JADE2: variants seen among roughly 807,000 people sequenced by gnomAD.
JADE2 encodes E3 ubiquitin-protein ligase Jade-2.
Under a neutral mutation model 85.7 loss-of-function variants are expected in JADE2, and 13 were observed. The ratio of observed to expected loss-of-function variants is 0.15; its 90% confidence interval spans 0.10 to 0.24. The LOEUF is 0.24. Ranked by LOEUF, JADE2 falls within the 10% of genes least tolerant of loss-of-function variation. The probability of loss-of-function intolerance (pLI) is 1.00; values close to 1 mark genes in which losing one functional copy is unlikely to be tolerated. For synonymous variants in JADE2, 440 were observed against 456.1 expected (o/e 0.96, Z 0.45); for missense variants, 846 against 1,115.9 (o/e 0.76, Z 3.45).
intron 1 of JADE2, among the ~76,000 whole-genome samples, chr5:134,533,916 T>C (rs1384244773): frequency 2.6e-5 from 4 of 152,016 alleles, no homozygotes; most frequent in Non-Finnish European, 5.9e-5. Flanking sequence ...CTGGCTAATT[T>C]TTAAATTTTT....
At chr5:134,524,708 G>C (rs536844235), upstream of JADE2, among the ~76,000 whole-genome samples, 2 of 152,228 alleles carry the variant, frequency 1.3e-5, no homozygotes, top group South Asian at 2.1e-4. Flanking sequence ...CACCCGGGAG[G>C]GGGGAGGGGG....
At chr5:134,552,267 CT>C in intron 4 of JADE2, 58 bp downstream of exon 4, 1 of 1,529,854 alleles carries the variant, frequency 6.5e-7, no homozygotes, top group South Asian at 1.2e-5. Flanking sequence ...GGGGAGGCTG[CT>C]TTCCAGGTTA....
At chr5:134,543,878 T>A (rs1253023406) in intron 3 of JADE2, among the ~76,000 whole-genome samples, 2 of 152,106 alleles carry the variant, frequency 1.3e-5, no homozygotes, top group Non-Finnish European at 2.9e-5. Flanking sequence ...CTAAGCAACG[T>A]CAGGGAGTGT....
At chr5:134,559,401 G>A (rs1213438091) in intron 4 of JADE2, among the ~76,000 whole-genome samples, 3 of 152,184 alleles carry the variant, frequency 2.0e-5, no homozygotes, top group Non-Finnish European at 2.9e-5. Context: ...CTTGTTGCTG[G>A]CACAGGGCAT....
chr5:134,531,883 C>CCTTT, intron 1 of JADE2, among the ~76,000 whole-genome samples: 2 of 38,480 alleles, frequency 5.2e-5, no homozygotes, highest in South Asian at 2.2e-3. Flanking sequence ...CCGTGCCTGG[C>CCTTT]TTTTTTTTTT....
chr5:134,564,640 A>C, intron 8 of JADE2, 30 bp downstream of exon 8: 7 of 1,435,598 alleles, frequency 4.9e-6, no homozygotes, highest in Non-Finnish European at 6.6e-6. Flanking sequence ...TCCTGCTGCC[A>C]GGAGCTGGCT....
intron 4 of JADE2, among the ~76,000 whole-genome samples, chr5:134,559,426 C>T (rs1360897688): frequency 1.3e-5 from 2 of 152,236 alleles, no homozygotes; most frequent in African/African-American, 2.4e-5. Flanking sequence ...CATGATGGCA[C>T]ATAGGATACC....
chr5:134,554,981 T>G (rs1289310629), intron 4 of JADE2, among the ~76,000 whole-genome samples: 1 of 152,196 alleles, frequency 6.6e-6, no homozygotes, highest in Admixed American at 6.5e-5. Context: ...TCTGGGGAAT[T>G]CCCTGCATGG....
intron 1 of JADE2, chr5:134,526,605 C>G: frequency 2.2e-5 from 22 of 985,428 alleles, no homozygotes; most frequent in Non-Finnish European, 2.7e-5. Flanking sequence ...GTCCCAGACA[C>G]CTTCCGGGGG....
chr5:134,540,637 TGTC>T (rs1398684692), intron 3 of JADE2, among the ~76,000 whole-genome samples: 3 of 152,164 alleles, frequency 2.0e-5, no homozygotes, highest in African/African-American at 7.2e-5. Context: ...AGGCAAGAAT[TGTC>T]GTGCCCATTT....
intron 9 of JADE2, among the ~76,000 whole-genome samples, chr5:134,567,387 G>T (rs1763709056): frequency 6.6e-6 from 1 of 152,188 alleles, no homozygotes; most frequent in South Asian, 2.1e-4. Context: ...ACAGGTGACG[G>T]TGGCTTGGTC....
At chr5:134,546,729 C>G (rs1229885766) in intron 3 of JADE2, among the ~76,000 whole-genome samples, 1 of 151,622 alleles carries the variant, frequency 6.6e-6, no homozygotes, top group Non-Finnish European at 1.5e-5. Flanking sequence ...GATCACACCA[C>G]TGCACTCCAG....
rs1396739049 is a variant in JADE2 at position 134,561,036 on chromosome 5, A to AG, written c.684+83dup. ...GGCAGCGACCCCCACTTGGCTCTCC[A>AG]GGGGCACTGTGGACAGAAGCCCTTA... On this transcript the variant is annotated intron_variant, in intron 6 of 11. Transcript: ENST00000681547. 1.3e-5 allele frequency: 17 copies of AG among 1,262,874 alleles called. No homozygotes were observed. In the Middle Eastern group the frequency reaches 6.4e-4, roughly 48 times the overall value. The allele number at this position is 1,262,874 out of a possible 1,614,324, so 78.2% of individuals were successfully genotyped here.
intron 9 of JADE2, among the ~76,000 whole-genome samples, chr5:134,572,260 C>T (rs945038057): frequency 2.6e-5 from 4 of 152,182 alleles, no homozygotes; most frequent in African/African-American, 9.7e-5. Flanking sequence ...AGGTGGGTGG[C>T]CTGGTGCTCA....
chr5:134,548,243 G>A (rs928953004), intron 3 of JADE2, among the ~76,000 whole-genome samples: 10 of 151,356 alleles, frequency 6.6e-5, no homozygotes, highest in Non-Finnish European at 1.2e-4. Context: ...ACCTGATTTG[G>A]CATCAAGTTA....
chr5:134,550,645 G>T (rs1376690722), intron 3 of JADE2, among the ~76,000 whole-genome samples: 1 of 152,212 alleles, frequency 6.6e-6, no homozygotes, highest in South Asian at 2.1e-4. Flanking sequence ...AAGTCACATG[G>T]TGTCTAGAGG....
At chr5:134,540,720 T>C (rs781606874) in intron 3 of JADE2, among the ~76,000 whole-genome samples, 11 of 152,096 alleles carry the variant, frequency 7.2e-5, no homozygotes, top group Non-Finnish European at 1.0e-4. Context: ...CAAGTTGAAG[T>C]GGGATGGGGA....
chr5:134,526,387 C>G, intron 1 of JADE2: 2 of 985,090 alleles, frequency 2.0e-6, no homozygotes, highest in South Asian at 4.7e-5. Flanking sequence ...GCAACTTCCC[C>G]GCGGGCTCCG....
At chr5:134,531,651 C>T (rs971613201) in intron 1 of JADE2, among the ~76,000 whole-genome samples, 4 of 151,812 alleles carry the variant, frequency 2.6e-5, no homozygotes, top group Non-Finnish European at 4.4e-5. Flanking sequence ...GGCACAATCT[C>T]GGCTCACTGC....
Sources: gnomAD v4.1 joint callset for allele counts (sites outside exome capture counted in the v4.1 genomes callset) on GRCh38, gnomAD v4.1.1 for gene constraint, MANE v1.5 for transcripts, NCBI Gene and HGNC (gene_info 2026-07-23, HGNC 2026-07-21) for gene names.